The following PRUNE2 variants were observed in gnomAD, a reference collection of about 807,000 sequenced individuals.
PRUNE2 encodes protein prune homolog 2.
A neutral mutation model predicts 252.0 loss-of-function variants in PRUNE2; 164 were observed. The observed-to-expected ratio is 0.65, with a 90% CI of 0.57 to 0.74. The LOEUF is 0.74. PRUNE2 is among the 30% of genes least tolerant of loss of function. The probability of loss-of-function intolerance (pLI) is 0.00; values close to 1 mark genes in which losing one functional copy is unlikely to be tolerated. For missense variants in PRUNE2, 3,495 were observed against 3,711.0 expected, an observed-to-expected ratio of 0.94 and a Z score of 1.51; for synonymous variants, 1,292 against 1,350.2, an observed-to-expected ratio of 0.96 and a Z score of 0.94.
chr9:76,782,505 T>A (rs1166116719), intron 6 of PRUNE2, among the ~76,000 whole-genome samples: 1 of 152,234 alleles, frequency 6.6e-6, no homozygotes, highest in Non-Finnish European at 1.5e-5. Flanking sequence ...TACAGCATCT[T>A]CTTTACAGAG....
At chr9:76,858,040 A>T (rs974113690) in intron 1 of PRUNE2, among the ~76,000 whole-genome samples, 1 of 152,208 alleles carries the variant, frequency 6.6e-6, no homozygotes, top group African/African-American at 2.4e-5. Context: ...GATACAGTTC[A>T]AATTGTGCTA....
At chr9:76,797,165 T>C (rs1275520681) in intron 6 of PRUNE2, among the ~76,000 whole-genome samples, 2 of 152,202 alleles carry the variant, frequency 1.3e-5, no homozygotes, top group Non-Finnish European at 2.9e-5. Flanking sequence ...GTATTATTTT[T>C]AGTTTAAAAA....
chr9:76,671,662 G>T (rs2041505063), intron 9 of PRUNE2, among the ~76,000 whole-genome samples: 2 of 152,054 alleles, frequency 1.3e-5, no homozygotes. Context: ...GAAAGGTCGG[G>T]TTACCATCAA....
At chr9:76,623,159 A>G (rs1453973209) in intron 17 of PRUNE2, among the ~76,000 whole-genome samples, 3 of 152,248 alleles carry the variant, frequency 2.0e-5, no homozygotes, top group Admixed American at 6.5e-5. Flanking sequence ...AAAAATTAAC[A>G]GCATAAGCAA....
chr9:76,688,957 T>C (rs1339435754), intron 9 of PRUNE2, among the ~76,000 whole-genome samples: 1 of 152,180 alleles, frequency 6.6e-6, no homozygotes. Context: ...TCCCAACCTA[T>C]TGAAATCTAC....
At chr9:76,791,336 A>G (rs7023904) in intron 6 of PRUNE2, among the ~76,000 whole-genome samples, 180 of 408 alleles carry the variant, frequency 0.44, 3 homozygotes, top group African/African-American at 0.49. Flanking sequence ...TACTGCACCA[A>G]TTATCATTGG....
At chr9:76,903,964 G>A (rs1216570463) in intron 1 of PRUNE2, among the ~76,000 whole-genome samples, 1 of 152,144 alleles carries the variant, frequency 6.6e-6, no homozygotes, top group Non-Finnish European at 1.5e-5. Flanking sequence ...CCAAGAAAAA[G>A]GTTATCTACC....
At chr9:76,661,379 A>T (rs1309727812) in intron 9 of PRUNE2, among the ~76,000 whole-genome samples, 1 of 152,124 alleles carries the variant, frequency 6.6e-6, no homozygotes, top group Non-Finnish European at 1.5e-5. Context: ...AGTAGCTAGG[A>T]TTACAGGCAC....
At chr9:76,662,272 G>A (rs773020462) in intron 9 of PRUNE2, among the ~76,000 whole-genome samples, 1 of 152,166 alleles carries the variant, frequency 6.6e-6, no homozygotes, top group Non-Finnish European at 1.5e-5. Context: ...CCACCAAATG[G>A]AGAAAGAACG....
intron 4 of PRUNE2, among the ~76,000 whole-genome samples, chr9:76,835,278 G>GA (rs1338972298): frequency 1.3e-5 from 2 of 151,812 alleles, no homozygotes; most frequent in African/African-American, 4.8e-5. Flanking sequence ...ATTCTTAACA[G>GA]AAAAGAAGGG....
At chr9:76,809,252 G>A (rs1343396) in intron 6 of PRUNE2, among the ~76,000 whole-genome samples, 103,857 of 152,110 alleles carry the variant, frequency 0.68, 35,616 homozygotes, top group African/African-American at 0.74. Flanking sequence ...CGTAAGCTTA[G>A]GGAAGACAGA....
intron 12 of PRUNE2, chr9:76,642,029 G>GAAAAGAA: frequency 8.5e-7 from 1 of 1,178,138 alleles, no homozygotes. Context: ...AAAAGAAAAA[G>GAAAAGAA]AAAAGAAACT....
chr9:76,652,712 A>C, intron 10 of PRUNE2, 29 bp from the exon 11 acceptor site: 1 of 1,491,526 alleles, frequency 6.7e-7, no homozygotes, highest in Non-Finnish European at 9.3e-7. Context: ...AGCAACATCA[A>C]GTATTAAACC....
rs189722976 is a variant in PRUNE2 at position 76,836,106 on chromosome 9, C to G, written c.509-9374G>C. ...TTGCCAGCTGGTTCCCAGAAACACA[C>G]ACGCACACAAATACAAATGTGCACG... On this transcript the variant is annotated intron_variant, in intron 4 of 18. Transcript: ENST00000376718. Among the ~76,000 whole-genome samples, 873 of 152,218 alleles carry G rather than the reference C, an allele frequency of 5.7e-3. 7 individuals carry two copies. Among genetic ancestry groups the G allele is most frequent in the Non-Finnish European group, 8.8e-3 (601 of 68,014 alleles).
At position 76,706,688 on chromosome 9, in the gene PRUNE2, G is replaced by T; in HGVS notation, c.5586C>A (p.His1862Gln). Residue 1862 changes from histidine (H) to glutamine (Q), a missense_variant, in exon 8 of 19, where the codon CAC becomes CAA. By Grantham distance (24) the His-to-Gln change is conservative. Transcript: ENST00000376718. ...SGVLEINSSV[H>Q]QNASPWGVPV... The stretch of plus-strand genomic sequence containing the variant: ...GTACTCCCCAGGGACTGGCATTTTG[G>T]TGTACTGAAGAATTTATCTCCAACA... 6.2e-7 allele frequency: 1 copy of T among 1,613,526 alleles called. No individual in the cohort carries two copies. Among genetic ancestry groups the T allele is most frequent in the African/African-American group, 1.3e-5 (1 of 74,984 alleles).
chr9:76,698,738 A>G (rs910034134), intron 9 of PRUNE2, among the ~76,000 whole-genome samples: 2 of 152,246 alleles, frequency 1.3e-5, no homozygotes, highest in Non-Finnish European at 2.9e-5. Flanking sequence ...GACTTCACGA[A>G]AAACAAAAAG....
chr9:76,776,091 T>G (rs1011429655), intron 6 of PRUNE2, among the ~76,000 whole-genome samples: 1 of 152,230 alleles, frequency 6.6e-6, no homozygotes, highest in African/African-American at 2.4e-5. Context: ...AATCAACTCA[T>G]GAGTAAATAT....
At chr9:76,744,690 G>A (rs953121495) in intron 6 of PRUNE2, among the ~76,000 whole-genome samples, 11 of 151,984 alleles carry the variant, frequency 7.2e-5, no homozygotes, top group South Asian at 4.1e-4. Flanking sequence ...TTCCCTATCC[G>A]ACTCCTACCC....
In PRUNE2 at chr9:76,850,588, C is replaced by T. The variant is rs929240367; in HGVS notation, c.219G>A (p.Arg73=). ...AAATATTTAGCTCTTCTAAAATAAA[C>T]CTCGTCTCGGTGAAGTAGTTGAATT... The part of the protein sequence containing the change: ...RTEFNYFTET[R]FILEELNISE... Residue 73 remains arginine (R), a synonymous_variant, in exon 3 of 19, where the codon AGG becomes AGA. Transcript: ENST00000376718. 6.2e-7 allele frequency: 1 copy of T among 1,613,982 alleles called. No individual in the cohort carries two copies. Among genetic ancestry groups the T allele is most frequent in the Non-Finnish European group, 8.5e-7 (1 of 1,179,898 alleles).
Sources: gnomAD v4.1 joint callset for allele counts (sites outside exome capture counted in the v4.1 genomes callset) on GRCh38, gnomAD v4.1.1 for gene constraint, MANE v1.5 for transcripts, NCBI Gene and HGNC (gene_info 2026-07-23, HGNC 2026-07-21) for gene names.